Variants in TTBK1 observed in about 807,000 individuals in gnomAD.
TTBK1 encodes tau tubulin kinase 1, also known as tau-tubulin kinase 1.
Under a neutral mutation model 108.5 loss-of-function variants are expected in TTBK1, and 34 were observed. The observed-to-expected ratio is 0.31, with a 90% CI of 0.24 to 0.42. TTBK1 has a LOEUF of 0.42. TTBK1 is among the 10% of genes least tolerant of loss of function. TTBK1 has a pLI of 1.00. For synonymous variants in TTBK1, 809 were observed against 795.1 expected (o/e 1.02, Z -0.29); for missense variants, 1,539 against 1,826.0 (o/e 0.84, Z 2.86).
chr6:43,274,292 G>C (rs975102331), intron 13 of TTBK1, among the ~76,000 whole-genome samples: 1 of 152,170 alleles, frequency 6.6e-6, no homozygotes, highest in African/African-American at 2.4e-5. Flanking sequence ...CCTAGTGGGT[G>C]GGGGATGGTG....
At chr6:43,251,862 G>A (rs1250191379) in intron 2 of TTBK1, among the ~76,000 whole-genome samples, 7 of 152,188 alleles carry the variant, frequency 4.6e-5, no homozygotes, top group Admixed American at 4.6e-4. Flanking sequence ...CAGTGAGCAT[G>A]GGCCGCGAAC....
Position 43,253,174 on chromosome 6 carries a change from G to A in TTBK1, c.257-117G>A. 8.6e-7 allele frequency: 1 copy of A among 1,161,010 alleles called. No individual in the cohort carries two copies. Among genetic ancestry groups the A allele is most frequent in the Non-Finnish European group, 1.3e-6 (1 of 776,224 alleles). The allele number at this position is 1,161,010 out of a possible 1,614,324, so 71.9% of individuals were successfully genotyped here. A position where few individuals can be genotyped will look rare whatever the true frequency, so the allele number is the denominator to read the frequency against. On this transcript the variant is annotated intron_variant, in intron 3 of 14. Coordinates refer to ENST00000259750, the MANE Select transcript of TTBK1 (RefSeq NM_032538.3). This position sits in a 1 kb window ranked among gnomAD's most constrained non-coding sequence, Gnocchi z 5.8. ...GGGCCAGGGAGGTGGCAAGACAGGT[G>A]CTCACAGGGCCAGCACTGGAGGGAC... is the stretch of plus-strand genomic sequence containing the variant.
At chr6:43,274,676 A>G (rs1777916970) in intron 13 of TTBK1, among the ~76,000 whole-genome samples, 1 of 150,632 alleles carries the variant, frequency 6.6e-6, no homozygotes, top group Non-Finnish European at 1.5e-5. Context: ...GACCTGGGAC[A>G]CACTCAACTC....
chr6:43,275,710 AC>A (rs1414917232), intron 13 of TTBK1, among the ~76,000 whole-genome samples: 4 of 146,816 alleles, frequency 2.7e-5, no homozygotes, highest in Non-Finnish European at 6.0e-5. Context: ...CTTTTTGCCC[AC>A]GCCCCAATCC....
chr6:43,257,991 C>A lies in TTBK1; in HGVS notation c.1016+25C>A, dbSNP rs751089886. 5.6e-6 allele frequency: 9 copies of A among 1,604,612 alleles called. No individual in the cohort carries two copies. Among genetic ancestry groups the A allele is most frequent in the Admixed American group, 5.0e-5 (3 of 59,700 alleles). On this transcript the variant is annotated intron_variant, in intron 10 of 14. Transcript: ENST00000259750. This position sits in a 1 kb window ranked among gnomAD's most constrained non-coding sequence, Gnocchi z 4.5. ...GGTGAGTCTCAGGAAGGCGAGCCAC[C>A]AGCCCCTGCCTGGAGCTGTTACCTA...
Position 43,255,618 on chromosome 6 carries a change from C to T in TTBK1, c.709C>T (p.Leu237=), listed in dbSNP as rs1777361739. The T allele has an allele frequency of 6.2e-7, 1 of 1,613,934 alleles. No homozygotes were observed. Among genetic ancestry groups the T allele is most frequent in the African/African-American group, 1.3e-5 (1 of 74,914 alleles). ...GCTGGTGGAGTTTGCAGTGGGCCAG[C>T]TGCCCTGGAGGAAGATCAAGGACAA... ...YMLVEFAVGQ[L]PWRKIKDKEQ... The change falls in exon 8 of 15, where the codon CTG becomes TTG. Residue 237 remains leucine (L), a synonymous_variant. Transcript: ENST00000259750.
rs1006331802 is a variant in TTBK1 at position 43,273,276 on chromosome 6, C to A, written c.1987-9451C>A. Among the ~76,000 whole-genome samples, 1 of 152,192 alleles carries A rather than the reference C, an allele frequency of 6.6e-6. No homozygotes were observed. Among genetic ancestry groups the A allele is most frequent in the African/African-American group, 2.4e-5 (1 of 41,434 alleles). On this transcript the variant is annotated intron_variant, in intron 13 of 14. Coordinates refer to ENST00000259750, the MANE Select transcript of TTBK1 (RefSeq NM_032538.3). The surrounding 1 kb of genome is among the most constrained non-coding windows in gnomAD (Gnocchi z 4.2). ...GATTGTCCTTTGCGGTGGGCCCCCT[C>A]CTCAGTCTATAGAAAAGAGGGGAGT...
intron 13 of TTBK1, chr6:43,272,335 A>G (rs575565549): frequency 1.0e-6 from 1 of 985,496 alleles, no homozygotes; most frequent in Admixed American, 6.1e-5. Context: ...CTAAGATCCC[A>G]AAGTGCCTTG....
In TTBK1 at chr6:43,254,551, A is replaced by C; in HGVS notation, c.476A>C (p.Asn159Thr). The C allele has an allele frequency of 6.4e-7, 1 of 1,570,832 alleles. No individual in the cohort carries two copies. Among genetic ancestry groups the C allele is most frequent in the Non-Finnish European group, 8.6e-7 (1 of 1,161,652 alleles). Residue 159 changes from asparagine to threonine, a missense_variant, in exon 6 of 15, where the codon AAC becomes ACC. Asn to Thr is a moderately conservative substitution (Grantham distance 65). Around this residue, in one of 5 missense-constraint regions of TTBK1, gnomAD observed 155 missense variants for 348.5 expected, o/e 0.44. Coordinates refer to ENST00000259750, the MANE Select transcript of TTBK1 (RefSeq NM_032538.3). ...CACAGCTGCTGTCTCCCCCAGTCAA[A>C]CTTTGCCATGGGCAGGCTGCCCTCC... ...GFLHRDIKPS[N>T]FAMGRLPSTY...
intron 13 of TTBK1, chr6:43,271,247 T>G (rs1004842603): frequency 5.1e-6 from 5 of 985,488 alleles, no homozygotes; most frequent in Non-Finnish European, 6.0e-6. Flanking sequence ...TGTCTGTATG[T>G]TTGCTTGTGT....
intron 2 of TTBK1, among the ~76,000 whole-genome samples, chr6:43,248,904 T>C (rs1777166868): frequency 6.6e-6 from 1 of 152,162 alleles, no homozygotes; most frequent in Admixed American, 6.5e-5. Context: ...AATGACTTAG[T>C]ATTTGTTTTG....
At position 43,269,765 on chromosome 6, in the gene TTBK1, C is replaced by CGGCTCCTCG; in HGVS notation, c.1986+6424_1986+6432dup. ...AGCATTACCCTCACCCCGGCGGCGGCGGCTCCTCGGGCTCCTCCGGTTCCC... is the reference window on the plus strand; with the variant it reads ...AGCATTACCCTCACCCCGGCGGCGGCGGCTCCTCGGGCTCCTCGGGCTCCTCCGGTTCCC... On this transcript the variant is annotated intron_variant, in intron 13 of 14. Transcript: ENST00000259750. The surrounding 1 kb of genome is among the most constrained non-coding windows in gnomAD (Gnocchi z 4.8). The CGGCTCCTCG allele has an allele frequency of 6.3e-7, 1 of 1,594,734 alleles. No individual in the cohort carries two copies.
chr6:43,274,706 A>C (rs1582510645), intron 13 of TTBK1, among the ~76,000 whole-genome samples: 1 of 150,612 alleles, frequency 6.6e-6, no homozygotes, highest in South Asian at 2.1e-4. Flanking sequence ...GAACCAGCCC[A>C]CCCTCCATAC....
At chr6:43,274,518 G>T (rs1163913304) in intron 13 of TTBK1, among the ~76,000 whole-genome samples, 3 of 152,178 alleles carry the variant, frequency 2.0e-5, no homozygotes, top group Non-Finnish European at 4.4e-5. Context: ...GCTCTGACCG[G>T]GGATGGGGGC....
At chr6:43,279,138 C>G (rs2150710965) in intron 13 of TTBK1, among the ~76,000 whole-genome samples, 1 of 152,268 alleles carries the variant, frequency 6.6e-6, no homozygotes, top group East Asian at 1.9e-4. Flanking sequence ...TCATTGATTT[C>G]CAGTTCTCAT....
In TTBK1 at chr6:43,253,033, A is replaced by T; in HGVS notation, c.256+147A>T. 9.3e-7 allele frequency: 1 copy of T among 1,079,578 alleles called. No individual in the cohort carries two copies. The highest frequency in any genetic ancestry group is 1.3e-6 in the Non-Finnish European group (1 of 747,664). 66.9% of individuals were successfully genotyped at this position (1,079,578 alleles called of 1,614,324 possible). A position where few individuals can be genotyped will look rare whatever the true frequency, so the allele number is the denominator to read the frequency against. On this transcript the variant is annotated intron_variant, in intron 3 of 14. Coordinates refer to ENST00000259750, the MANE Select transcript of TTBK1 (RefSeq NM_032538.3). This position sits in a 1 kb window ranked among gnomAD's most constrained non-coding sequence, Gnocchi z 5.8. ...GGAGCCAGGAGCTAAGGGGGAGGTG[A>T]CGGAGCCAGAGTCTAGGAGAGATGG...
intron 13 of TTBK1, chr6:43,271,228 G>A: frequency 1.0e-6 from 1 of 985,518 alleles, no homozygotes; most frequent in African/African-American, 1.7e-5. Flanking sequence ...GTTTATTTCA[G>A]TGAGACTGTG....
In TTBK1 at chr6:43,282,769, C is replaced by T. The variant is rs975647102; in HGVS notation, c.2029C>T (p.Arg677Ter). ...CCCATTTGAGGTGAATGGCCTCCCA[C>T]GAGCTGTGCCTCTGAGTCTGCCCTA... ...APPFEVNGLP[R>*]AVPLSLPYQD... Residue 677 changes from arginine (R) to a stop codon, truncating the protein, a stop_gained, in exon 14 of 15, where the codon CGA becomes TGA. Coordinates refer to ENST00000259750, the MANE Select transcript of TTBK1 (RefSeq NM_032538.3). LOFTEE classifies it high-confidence loss of function. This position sits in a 1 kb window ranked among gnomAD's most constrained non-coding sequence, Gnocchi z 5.4. 6.2e-7 allele frequency: 1 copy of T among 1,613,066 alleles called. No individual in the cohort carries two copies. The highest frequency in any genetic ancestry group is 8.5e-7 in the Non-Finnish European group (1 of 1,179,584).
Position 43,283,396 on chromosome 6 carries a change from A to G in TTBK1, c.2656A>G (p.Thr886Ala). The stretch of plus-strand genomic sequence containing the variant: ...CCAGCTGGACGTATCTGAGCCAGGC[A>G]CCCTGTCCTCTGTCCTCAAGTCTGA... ...GSQLDVSEPG[T>A]LSSVLKSEPK... Residue 886 changes from threonine to alanine, a missense_variant, in exon 14 of 15, where the codon ACC becomes GCC. Physicochemically the swap from Thr to Ala is moderately conservative, Grantham distance 58 (BLOSUM62 0). Around this residue, in one of 5 missense-constraint regions of TTBK1, gnomAD observed 1,055 missense variants for 1,086.5 expected, o/e 0.97. Transcript: ENST00000259750. This position sits in a 1 kb window ranked among gnomAD's most constrained non-coding sequence, Gnocchi z 8.1. 1 of 1,610,758 alleles carries G rather than the reference A, an allele frequency of 6.2e-7. No homozygotes were observed. Among genetic ancestry groups the G allele is most frequent in the Non-Finnish European group, 8.5e-7 (1 of 1,178,530 alleles).
Sources: gnomAD v4.1 joint callset for allele counts (sites outside exome capture counted in the v4.1 genomes callset) on GRCh38, gnomAD v4.1.1 for gene constraint, gnomAD v4.1.1 regional missense constraint, Gnocchi (gnomAD v3.1) non-coding constraint, MANE v1.5 for transcripts, NCBI Gene and HGNC (gene_info 2026-07-23, HGNC 2026-07-21) for gene names.